Variants in LOC128462377 observed in about 807,000 individuals in gnomAD.
chr16:89,320,486 A>AACGCAGAGCC, the LOC128462377 span: 1 of 152,168 alleles, frequency 6.6e-6, no homozygotes, highest in East Asian at 1.9e-4. Flanking sequence ...CGGGAAGGTA[A>AACGCAGAGCC]ACGCAGAGCC....
chr16:89,338,109 C>T, the LOC128462377 span, among the ~76,000 whole-genome samples: 10 of 152,192 alleles, frequency 6.6e-5, no homozygotes, highest in Non-Finnish European at 1.5e-4. Flanking sequence ...TATGGCCATC[C>T]CAGGACGCCG....
chr16:89,374,337 T>TA, the LOC128462377 span, among the ~76,000 whole-genome samples: 13,597 of 148,866 alleles, frequency 0.091, 691 homozygotes, highest in Middle Eastern at 0.21. Context: ...TGTGTTTTTG[T>TA]AAAAAAAATA....
chr16:89,402,749 T>G, the LOC128462377 span, among the ~76,000 whole-genome samples: 2 of 122,350 alleles, frequency 1.6e-5, no homozygotes, highest in African/African-American at 6.3e-5. Context: ...AGATAGGGGG[T>G]ATCTGCAGGG....
At chr16:89,410,042 T>C in the LOC128462377 span, among the ~76,000 whole-genome samples, 1 of 152,138 alleles carries the variant, frequency 6.6e-6, no homozygotes, top group Non-Finnish European at 1.5e-5. Flanking sequence ...GTTTTCACGG[T>C]GTGAGCCAGG....
the LOC128462377 span, among the ~76,000 whole-genome samples, chr16:89,357,461 C>T: frequency 6.6e-6 from 1 of 152,076 alleles, no homozygotes. Flanking sequence ...AACAGTGTGA[C>T]GATTCCTCAA....
At chr16:89,359,267 T>C in the LOC128462377 span, among the ~76,000 whole-genome samples, 1 of 152,176 alleles carries the variant, frequency 6.6e-6, no homozygotes, top group Non-Finnish European at 1.5e-5. Context: ...GCAAACTGCT[T>C]GAGTATGCTT....
At chr16:89,340,941 G>C in the LOC128462377 span, among the ~76,000 whole-genome samples, 1 of 152,172 alleles carries the variant, frequency 6.6e-6, no homozygotes, top group Non-Finnish European at 1.5e-5. Context: ...TGATGTGGGA[G>C]TGAACATCAG....
the LOC128462377 span, among the ~76,000 whole-genome samples, chr16:89,358,740 C>A: frequency 6.6e-6 from 1 of 152,204 alleles, no homozygotes; most frequent in Admixed American, 6.5e-5. Flanking sequence ...CATCTGCACC[C>A]AGCCCTAGAT....
chr16:89,365,532 G>T, the LOC128462377 span, among the ~76,000 whole-genome samples: 1 of 152,192 alleles, frequency 6.6e-6, no homozygotes, highest in African/African-American at 2.4e-5. Context: ...ATGGCTCCAG[G>T]ATTTTCTGAA....
chr16:89,335,360 C>T, the LOC128462377 span, among the ~76,000 whole-genome samples: 1 of 152,228 alleles, frequency 6.6e-6, no homozygotes, highest in East Asian at 1.9e-4. Flanking sequence ...CACACCGAGG[C>T]ATCCGTGAGT....
At chr16:89,337,130 G>T in the LOC128462377 span, among the ~76,000 whole-genome samples, 1 of 151,752 alleles carries the variant, frequency 6.6e-6, no homozygotes, top group Non-Finnish European at 1.5e-5. Context: ...AGGCTGCAGT[G>T]AGTTGAGATC....
the LOC128462377 span, among the ~76,000 whole-genome samples, chr16:89,336,251 T>C: frequency 6.6e-6 from 1 of 152,198 alleles, no homozygotes; most frequent in Admixed American, 6.5e-5. Context: ...TCAACAGAGC[T>C]GGACCTGGTG....
At chr16:89,364,618 G>A in the LOC128462377 span, among the ~76,000 whole-genome samples, 1 of 152,158 alleles carries the variant, frequency 6.6e-6, no homozygotes, top group Non-Finnish European at 1.5e-5. Flanking sequence ...ACTGGCTTGG[G>A]CCACACATAA....
At chr16:89,336,683 A>G in the LOC128462377 span, among the ~76,000 whole-genome samples, 1 of 152,234 alleles carries the variant, frequency 6.6e-6, no homozygotes. Flanking sequence ...CACAGGCACT[A>G]GGAGACCCGG....
chr16:89,413,111 T>C, the LOC128462377 span, among the ~76,000 whole-genome samples: 2 of 152,142 alleles, frequency 1.3e-5, no homozygotes, highest in African/African-American at 2.4e-5. Context: ...AAGTGCCCAT[T>C]TTCACATGAA....
the LOC128462377 span, among the ~76,000 whole-genome samples, chr16:89,361,326 G>A: frequency 6.6e-5 from 10 of 152,304 alleles, no homozygotes; most frequent in South Asian, 1.2e-3. Context: ...TCACAGCGCC[G>A]GGGGCGGGGG....
the LOC128462377 span, among the ~76,000 whole-genome samples, chr16:89,401,211 A>G: frequency 6.6e-6 from 1 of 150,550 alleles, no homozygotes; most frequent in Middle Eastern, 3.5e-3. Context: ...CTCCTGCCTC[A>G]GCCTTCCAAG....
chr16:89,326,801 C>T, the LOC128462377 span, among the ~76,000 whole-genome samples: 5 of 152,158 alleles, frequency 3.3e-5, no homozygotes, highest in Admixed American at 6.5e-5. Flanking sequence ...GTGCTTGGCC[C>T]AGAGCAGTGC....
chr16:89,383,175 A>T, the LOC128462377 span, among the ~76,000 whole-genome samples: 1 of 152,220 alleles, frequency 6.6e-6, no homozygotes, highest in Non-Finnish European at 1.5e-5. Flanking sequence ...CTGCTGAGTA[A>T]AGGGAGCGGT....
Sources: gnomAD v4.1 joint callset for allele counts (sites outside exome capture counted in the v4.1 genomes callset) on GRCh38, gnomAD v4.1.1 for gene constraint, MANE v1.5 for transcripts.